Variants in DCHS2 observed in about 807,000 individuals in gnomAD.
DCHS2 encodes protocadherin-23.
DCHS2 carries 142 observed loss-of-function variants against 182.4 expected under a neutral mutation model. That is an observed-to-expected ratio of 0.78 (90% CI 0.68 to 0.89). The LOEUF (loss-of-function observed/expected upper bound fraction) is 0.89. DCHS2 is among the 40% of genes least tolerant of loss of function. The pLI, the probability that DCHS2 is intolerant of heterozygous loss-of-function variation, is 0.00. For synonymous variants in DCHS2, 1,740 were observed against 1,663.3 expected, an observed-to-expected ratio of 1.05 and a Z score of -1.12; for missense variants, 4,319 against 4,198.6, an observed-to-expected ratio of 1.03 and a Z score of -0.79.
At chr4:154,471,896 C>T (rs999309470) in intron 1 of DCHS2, among the ~76,000 whole-genome samples, 3 of 152,034 alleles carry the variant, frequency 2.0e-5, no homozygotes, top group South Asian at 2.1e-4. Flanking sequence ...ATAGTTAGGT[C>T]GGTGATTTGA....
intron 13 of DCHS2, among the ~76,000 whole-genome samples, chr4:154,286,960 C>T (rs2111249900): frequency 6.6e-6 from 1 of 152,006 alleles, no homozygotes; most frequent in South Asian, 2.1e-4. Flanking sequence ...TAAAAGCAGC[C>T]CAAGAAAAGA....
In DCHS2 at chr4:154,356,657, A is replaced by G. The variant is rs76351218; in HGVS notation, c.2476+9553T>C. On this transcript the variant is annotated intron_variant, in intron 3 of 19. Coordinates refer to ENST00000357232, the MANE Select transcript of DCHS2 (RefSeq NM_001358235.2). Reference sequence around the variant, plus strand: ...ATACAAATTCTTACCATAGTGAAACAGTTGCCTATAGTAGTCAATGCGGTA... The same window carrying G: ...ATACAAATTCTTACCATAGTGAAACGGTTGCCTATAGTAGTCAATGCGGTA... Among the ~76,000 whole-genome samples the G allele has an allele frequency of 6.5e-3, 986 of 152,298 alleles. 18 individuals are homozygous for G. Among genetic ancestry groups the G allele is most frequent in the African/African-American group, 0.023 (939 of 41,564 alleles).
intron 17 of DCHS2, among the ~76,000 whole-genome samples, chr4:154,241,792 A>G (rs916679238): frequency 2.0e-5 from 3 of 152,208 alleles, no homozygotes. Flanking sequence ...AATATATCAA[A>G]TATGCAAAAG....
chr4:154,440,088 C>A (rs1733936922), intron 1 of DCHS2, among the ~76,000 whole-genome samples: 1 of 152,112 alleles, frequency 6.6e-6, no homozygotes, highest in East Asian at 1.9e-4. Context: ...TCTGTGATCC[C>A]ACATCTGTCT....
At chr4:154,254,856 G>A (rs1021980684) in intron 16 of DCHS2, among the ~76,000 whole-genome samples, 1 of 151,902 alleles carries the variant, frequency 6.6e-6, no homozygotes. Flanking sequence ...AAAAAAAAAG[G>A]CTTTTGCTTC....
At chr4:154,251,154 T>G (rs1281586669) in intron 16 of DCHS2, among the ~76,000 whole-genome samples, 1 of 152,248 alleles carries the variant, frequency 6.6e-6, no homozygotes, top group Non-Finnish European at 1.5e-5. Flanking sequence ...TAAAATTGCT[T>G]TCTCCCAGTC....
chr4:154,353,993 C>A (rs1280486163), intron 3 of DCHS2, among the ~76,000 whole-genome samples: 1 of 152,140 alleles, frequency 6.6e-6, no homozygotes, highest in Non-Finnish European at 1.5e-5. Flanking sequence ...GTGGTGTGAT[C>A]TCAGCTCACT....
chr4:154,373,061 C>T (rs6842818), intron 2 of DCHS2, among the ~76,000 whole-genome samples: 1,909 of 152,258 alleles, frequency 0.013, 38 homozygotes, highest in African/African-American at 0.044. Context: ...AAGGTAACAA[C>T]ATAAAGTTAA....
rs1731383740 is a variant in DCHS2 at position 154,234,958 on chromosome 4, A to AGTT, written c.9691_9693dup (p.Asn3231dup). 1 of 1,614,084 alleles carries AGTT rather than the reference A, an allele frequency of 6.2e-7. No individual in the cohort carries two copies. The highest frequency in any genetic ancestry group is 8.5e-7 in the Non-Finnish European group (1 of 1,179,960). The stretch of plus-strand genomic sequence containing the variant: ...CAACTAAGAAGATAATTCCAGTGAT[A>AGTT]GTTGTCTTTTCCATCATGATCAGAG... On this transcript the variant is annotated inframe_insertion, in exon 20 of 20. Coordinates refer to ENST00000357232, the MANE Select transcript of DCHS2 (RefSeq NM_001358235.2).
Position 154,269,976 on chromosome 4 carries a change from G to C in DCHS2, c.6501C>G (p.Asp2167Glu). The C allele has an allele frequency of 6.2e-7, 1 of 1,611,950 alleles. No individual in the cohort carries two copies. Reference sequence around the variant, plus strand: ...AATATTTCATGCTGTCCTGAATTGAGTCAGGAGCAAAAGCTTTAACAGTCA... The same window carrying C: ...AATATTTCATGCTGTCCTGAATTGACTCAGGAGCAAAAGCTTTAACAGTCA... The part of the protein sequence containing the change: ...SIVTVKAFAP[D>E]SIQDSMKYSI... Residue 2167 changes from aspartate (D) to glutamate (E), a missense_variant, in exon 14 of 20, where the codon GAC becomes GAG. Asp to Glu is a conservative substitution (Grantham distance 45). Coordinates refer to ENST00000357232, the MANE Select transcript of DCHS2 (RefSeq NM_001358235.2).
At chr4:154,296,504 CAA>C (rs930929838) in intron 13 of DCHS2, among the ~76,000 whole-genome samples, 2 of 152,050 alleles carry the variant, frequency 1.3e-5, no homozygotes, top group African/African-American at 4.8e-5. Flanking sequence ...TTTTACCAAC[CAA>C]AAGACTGATT....
chr4:154,386,220 T>C (rs1731409048), intron 1 of DCHS2, among the ~76,000 whole-genome samples: 1 of 152,206 alleles, frequency 6.6e-6, no homozygotes, highest in African/African-American at 2.4e-5. Flanking sequence ...TCCAAGTCTT[T>C]AATCTGACCC....
Position 154,490,670 on chromosome 4 carries a change from C to G in DCHS2, c.686G>C (p.Gly229Ala). The change falls in exon 1 of 20, where the codon GGG (glycine) becomes GCG (alanine). Residue 229 changes from glycine (G) to alanine (A), a missense_variant. Gly to Ala is a moderately conservative substitution (Grantham distance 60). Transcript: ENST00000357232. ...TGGCAAAAGCGGTGACGGTAGTGGC[C>G]CCGGAGTCCGGTAGCGCAACTGGAA... ...PFFQLRYRTP[G>A]PLPSPLLPGS... 1.9e-6 allele frequency: 3 copies of G among 1,551,526 alleles called. No homozygotes were observed. The highest frequency in any genetic ancestry group is 2.6e-6 in the Non-Finnish European group (3 of 1,146,908).
At chr4:154,431,268 G>A (rs538965986) in intron 1 of DCHS2, among the ~76,000 whole-genome samples, 2 of 152,240 alleles carry the variant, frequency 1.3e-5, no homozygotes, top group African/African-American at 2.4e-5. Context: ...ACAGGAGGGT[G>A]GGGATCCTGT....
At chr4:154,373,952 C>A (rs1203764431) in intron 2 of DCHS2, 22 of 1,582,632 alleles carry the variant, frequency 1.4e-5, no homozygotes, top group Non-Finnish European at 1.8e-5. Flanking sequence ...ATTCTCTGCT[C>A]ATCCTGAAAA....
intron 16 of DCHS2, among the ~76,000 whole-genome samples, chr4:154,247,123 T>C (rs1041547664): frequency 6.6e-6 from 1 of 152,152 alleles, no homozygotes; most frequent in Non-Finnish European, 1.5e-5. Flanking sequence ...TAAAATACTA[T>C]GGATGATAAG....
chr4:154,404,217 T>A (rs866091734), intron 1 of DCHS2, among the ~76,000 whole-genome samples: 2 of 152,318 alleles, frequency 1.3e-5, no homozygotes, highest in African/African-American at 4.8e-5. Context: ...TGTATTTTTA[T>A]TACCATTCAA....
intron 12 of DCHS2, among the ~76,000 whole-genome samples, chr4:154,300,444 C>A (rs547019395): frequency 1.4e-5 from 2 of 137,980 alleles, no homozygotes; most frequent in African/African-American, 5.4e-5. Context: ...GAGACCAAGG[C>A]GGGAGGATTG....
At chr4:154,406,821 A>G (rs1732421452) in intron 1 of DCHS2, among the ~76,000 whole-genome samples, 1 of 152,220 alleles carries the variant, frequency 6.6e-6, no homozygotes. Flanking sequence ...ATCTGACTGT[A>G]TATCCCACAG....
Sources: allele counts gnomAD v4.1 joint callset (sites outside exome capture counted in the v4.1 genomes callset), GRCh38; gene constraint gnomAD v4.1.1; transcripts MANE v1.5; gene names NCBI Gene and HGNC (gene_info 2026-07-23, HGNC 2026-07-21).